Variants in NAALADL2 observed in about 807,000 individuals in gnomAD.
NAALADL2 encodes the protein N-acetylated alpha-linked acidic dipeptidase like 2.
In NAALADL2, 76 loss-of-function variants were observed where a neutral mutation model predicts 87.2. That is an observed-to-expected ratio of 0.87 (90% confidence interval 0.72 to 1.05). The LOEUF is 1.05. NAALADL2 is among the 50% of genes least tolerant of loss of function. The pLI is 0.00. For synonymous variants in NAALADL2, 354 were observed against 331.0 expected (o/e 1.07, Z -0.75); for missense variants, 1,089 against 945.8 (o/e 1.15, Z -1.99).
At chr3:175,754,571 A>G (rs1259401203) in intron 12 of NAALADL2, among the ~76,000 whole-genome samples, 1 of 152,210 alleles carries the variant, frequency 6.6e-6, no homozygotes, top group Non-Finnish European at 1.5e-5. Context: ...TTTCTAGTAA[A>G]GAAAAAAAGA....
rs577258842 is a variant in NAALADL2 at position 175,174,811 on chromosome 3, G to A, written c.546-59120G>A. Among the ~76,000 whole-genome samples, 23 of 141,452 alleles carry A rather than the reference G, an allele frequency of 1.6e-4. No homozygotes were observed. In the East Asian group the frequency reaches 4.6e-3, roughly 28 times the overall value. The allele number at this position is 141,452 out of a possible 152,430, so 92.8% of individuals were successfully genotyped here. ...TGTATATATATGTGTGTGTGTGTGC[G>A]CTATATATGTATACACACACACATG... is the stretch of plus-strand genomic sequence containing the variant. On this transcript the variant is annotated intron_variant, in intron 2 of 13. Coordinates refer to ENST00000454872, the MANE Select transcript of NAALADL2 (RefSeq NM_207015.3).
At chr3:175,203,094 C>G (rs1417877742) in intron 2 of NAALADL2, among the ~76,000 whole-genome samples, 1 of 152,110 alleles carries the variant, frequency 6.6e-6, no homozygotes, top group East Asian at 1.9e-4. Context: ...CTTCCCACAC[C>G]TATGGAGTCT....
intron 5 of NAALADL2, among the ~76,000 whole-genome samples, chr3:175,392,239 G>A (rs76276971): frequency 0.018 from 2,731 of 152,256 alleles, 85 homozygotes; most frequent in African/African-American, 0.063. Flanking sequence ...CACTTAAGTT[G>A]TGTCTTTTAT....
At chr3:175,071,032 C>A (rs1261187669) in intron 1 of NAALADL2, among the ~76,000 whole-genome samples, 2 of 151,986 alleles carry the variant, frequency 1.3e-5, no homozygotes, top group East Asian at 3.9e-4. Context: ...AGTGACCTTC[C>A]TGTGCTGAGG....
At chr3:174,963,138 C>T (rs1248682217) in intron 1 of NAALADL2, among the ~76,000 whole-genome samples, 1 of 152,036 alleles carries the variant, frequency 6.6e-6, no homozygotes, top group East Asian at 1.9e-4. Context: ...GTTTAGATGG[C>T]TCTGGTGATA....
intron 11 of NAALADL2, among the ~76,000 whole-genome samples, chr3:175,644,475 T>G (rs1729724164): frequency 6.6e-6 from 1 of 152,126 alleles, no homozygotes; most frequent in South Asian, 2.1e-4. Flanking sequence ...AATTTGCATT[T>G]TTCAATCTAA....
At chr3:174,963,218 T>C (rs1742374207) in intron 1 of NAALADL2, among the ~76,000 whole-genome samples, 1 of 152,092 alleles carries the variant, frequency 6.6e-6, no homozygotes, top group African/African-American at 2.4e-5. Flanking sequence ...GAAAACTTGG[T>C]GTGTTTCATG....
At chr3:175,188,273 A>T (rs1272059244) in intron 2 of NAALADL2, among the ~76,000 whole-genome samples, 2 of 152,138 alleles carry the variant, frequency 1.3e-5, no homozygotes, top group Non-Finnish European at 2.9e-5. Flanking sequence ...TACAAATTGT[A>T]TTGTGCCTGA....
intron 1 of NAALADL2, among the ~76,000 whole-genome samples, chr3:174,945,337 A>T (rs1032139941): frequency 6.6e-6 from 1 of 152,174 alleles, no homozygotes; most frequent in African/African-American, 2.4e-5. Flanking sequence ...AGGGATGATA[A>T]CTGGAGAAGC....
intron 11 of NAALADL2, among the ~76,000 whole-genome samples, chr3:175,688,723 G>A (rs1736657178): frequency 6.6e-6 from 1 of 151,996 alleles, no homozygotes; most frequent in Admixed American, 6.6e-5. Context: ...AAAAGTACAG[G>A]GCACTGAGCC....
chr3:175,723,671 A>G (rs1742540563), intron 11 of NAALADL2, among the ~76,000 whole-genome samples: 2 of 152,130 alleles, frequency 1.3e-5, no homozygotes, highest in African/African-American at 2.4e-5. Context: ...TATAAATAGA[A>G]TATCTTTCTC....
intron 13 of NAALADL2, among the ~76,000 whole-genome samples, chr3:175,786,017 T>G (rs1409062521): frequency 2.0e-5 from 3 of 152,212 alleles, no homozygotes; most frequent in Non-Finnish European, 4.4e-5. Context: ...TTAAGAATGT[T>G]GAATATCAGC....
At chr3:174,528,368 A>G (rs1242760637) in intron 1 of NAALADL2, among the ~76,000 whole-genome samples, 1 of 152,166 alleles carries the variant, frequency 6.6e-6, no homozygotes, top group African/African-American at 2.4e-5. Context: ...AGTGGCTCAT[A>G]CCTGTAAGCC....
At chr3:174,548,220 A>G (rs1028633294) in intron 1 of NAALADL2, among the ~76,000 whole-genome samples, 1 of 152,196 alleles carries the variant, frequency 6.6e-6, no homozygotes, top group African/African-American at 2.4e-5. Context: ...AATTTTGGTG[A>G]AACTGTATGA....
At chr3:175,392,683 G>T (rs150127270) in intron 5 of NAALADL2, among the ~76,000 whole-genome samples, 1 of 152,062 alleles carries the variant, frequency 6.6e-6, no homozygotes, top group Non-Finnish European at 1.5e-5. Flanking sequence ...CTGCACCATC[G>T]ATTATGCCAG....
chr3:175,471,759 G>A lies in NAALADL2; in HGVS notation c.1653+1G>A, dbSNP rs1309513884. 1 of 1,600,092 alleles carries A rather than the reference G, an allele frequency of 6.2e-7. No homozygotes were observed. ...ATCTCTTCAGCAACTGGTAGTAGAG[G>A]TAAGACAAACCACTATTGTATCAAA... On this transcript the variant is annotated splice_donor_variant, in intron 9 of 13. Coordinates refer to ENST00000454872, the MANE Select transcript of NAALADL2 (RefSeq NM_207015.3). LOFTEE classifies it high-confidence loss of function.
intron 1 of NAALADL2, among the ~76,000 whole-genome samples, chr3:175,075,192 G>A (rs1450949929): frequency 6.6e-6 from 1 of 152,048 alleles, no homozygotes; most frequent in African/African-American, 2.4e-5. Flanking sequence ...AATATAAGTG[G>A]TGAAGCTGTC....
chr3:174,982,661 C>A (rs1021834156), intron 1 of NAALADL2, among the ~76,000 whole-genome samples: 1 of 152,152 alleles, frequency 6.6e-6, no homozygotes, highest in Non-Finnish European at 1.5e-5. Flanking sequence ...AGTGTAACAT[C>A]GAAGCCTTGC....
intron 3 of NAALADL2, among the ~76,000 whole-genome samples, chr3:174,782,544 T>C (rs1457244442): frequency 6.6e-6 from 1 of 152,142 alleles, no homozygotes; most frequent in East Asian, 1.9e-4. Flanking sequence ...GTAGCAATTT[T>C]GGTGGACTCA....
Sources: allele counts gnomAD v4.1 joint callset (sites outside exome capture counted in the v4.1 genomes callset), GRCh38; gene constraint gnomAD v4.1.1; transcripts MANE v1.5; gene names NCBI Gene and HGNC (gene_info 2026-07-23, HGNC 2026-07-21).